The following CSRNP3 variants were observed in gnomAD, a reference collection of about 807,000 sequenced individuals.
CSRNP3 encodes the protein cysteine/serine-rich nuclear protein 3.
In CSRNP3, 12 loss-of-function variants were observed where a neutral mutation model predicts 48.0. The ratio of observed to expected loss-of-function variants is 0.25; its 90% CI spans 0.16 to 0.41. The LOEUF is 0.41. CSRNP3 is among the 10% of genes least tolerant of loss of function. CSRNP3 has a pLI of 1.00. For missense variants in CSRNP3, 580 were observed against 724.4 expected, an observed-to-expected ratio of 0.80 and a Z score of 2.29; for synonymous variants, 263 against 269.7, an observed-to-expected ratio of 0.98 and a Z score of 0.24.
At chr2:165,563,531 T>A (rs1185135244) in intron 3 of CSRNP3, among the ~76,000 whole-genome samples, 1 of 152,188 alleles carries the variant, frequency 6.6e-6, no homozygotes, top group East Asian at 1.9e-4. Flanking sequence ...GAATCATTCA[T>A]TGCTCAATTA....
rs1308217973 is a variant in CSRNP3 at position 165,682,324 on chromosome 2, T to TC, written c.*2573dup. ...ACTGCCCTGTGAGAAGAATTACCCT[T>TC]CCAATCATGACAGCTTCTATTCCAA... is the stretch of plus-strand genomic sequence containing the variant. On this transcript the variant is annotated 3_prime_UTR_variant, in exon 7 of 7. Coordinates refer to ENST00000651982, the MANE Select transcript of CSRNP3 (RefSeq NM_001172173.2). 6.6e-6 allele frequency: 1 copy of TC among 152,064 alleles called. No homozygotes were observed. Among genetic ancestry groups the TC allele is most frequent in the Non-Finnish European group, 1.5e-5 (1 of 68,000 alleles). The allele number at this position is 152,064 out of a possible 1,614,324, so 9.4% of individuals were successfully genotyped here. A position where few individuals can be genotyped will look rare whatever the true frequency, so the allele number is the denominator to read the frequency against.
intron 4 of CSRNP3, among the ~76,000 whole-genome samples, chr2:165,645,236 A>G (rs1210223331): frequency 6.6e-6 from 1 of 152,160 alleles, no homozygotes; most frequent in African/African-American, 2.4e-5. Context: ...TGGAAGGCTG[A>G]GGCATGAGAA....
chr2:165,609,682 T>C (rs1367637084), intron 4 of CSRNP3, among the ~76,000 whole-genome samples: 1 of 152,118 alleles, frequency 6.6e-6, no homozygotes, highest in Non-Finnish European at 1.5e-5. Flanking sequence ...GATATTGATA[T>C]TTTCAAGGAG....
intron 5 of CSRNP3, among the ~76,000 whole-genome samples, chr2:165,661,468 A>G (rs1179639901): frequency 6.6e-6 from 1 of 152,174 alleles, no homozygotes; most frequent in Non-Finnish European, 1.5e-5. Flanking sequence ...CATGGCTGAC[A>G]GAGCTGTCCC....
At chr2:165,619,592 A>AAC (rs943141143) in intron 4 of CSRNP3, among the ~76,000 whole-genome samples, 22 of 151,644 alleles carry the variant, frequency 1.5e-4, no homozygotes, top group African/African-American at 4.3e-4. Context: ...CACACATACA[A>AAC]ACACACACAC....
Position 165,587,648 on chromosome 2 carries a change from T to C in CSRNP3, c.-23-7395T>C, listed in dbSNP as rs545615929. On this transcript the variant is annotated intron_variant, in intron 3 of 6. Transcript: ENST00000651982. ...ATCCCAGAAGCTGCCCTAGTTCCTGTTTCCTGAGTTTTGGTTTCAAGCTGT... is the reference window on the plus strand; with the variant it reads ...ATCCCAGAAGCTGCCCTAGTTCCTGCTTCCTGAGTTTTGGTTTCAAGCTGT... 8.5e-5 allele frequency among the ~76,000 whole-genome samples: 13 copies of C among 152,328 alleles called. No homozygotes were observed. In the South Asian group the frequency reaches 1.0e-3, roughly 12 times the overall value.
At position 165,658,001 on chromosome 2, in the gene CSRNP3, T is replaced by G; in HGVS notation, c.389T>G (p.Leu130Arg). Residue 130 changes from leucine (L) to arginine (R), a missense_variant, in exon 5 of 7, where the codon CTG (leucine) becomes CGG (arginine). By Grantham distance (102) the Leu-to-Arg change is moderately radical. Transcript: ENST00000651982. ...MLREHLREEK[L>R]NSLKLKMTKN... ...AGAGAACACCTTAGGGAGGAAAAGC[T>G]GAACTCCTTAAAACTAAAGGTAAAA... The G allele has an allele frequency of 3.1e-6, 5 of 1,613,172 alleles. No individual in the cohort carries two copies. Among genetic ancestry groups the G allele is most frequent in the Non-Finnish European group, 3.4e-6 (4 of 1,179,702 alleles).
chr2:165,506,209 G>T (rs796606033), intron 2 of CSRNP3, among the ~76,000 whole-genome samples: 2 of 152,076 alleles, frequency 1.3e-5, no homozygotes, highest in African/African-American at 4.8e-5. Flanking sequence ...AGACAAGAAG[G>T]CATCTCTTCC....
chr2:165,664,900 A>T (rs1255424425), intron 5 of CSRNP3, among the ~76,000 whole-genome samples: 3 of 152,192 alleles, frequency 2.0e-5, no homozygotes, highest in Non-Finnish European at 4.4e-5. Flanking sequence ...CAAAACTCAG[A>T]TCTTTTAAGC....
rs377698342 is a variant in CSRNP3 at position 165,627,229 on chromosome 2, C to T, written c.149-30532C>T. Among the ~76,000 whole-genome samples, 11 of 152,288 alleles carry T rather than the reference C, an allele frequency of 7.2e-5. No individual in the cohort carries two copies. In the East Asian group the frequency reaches 7.7e-4, roughly 11 times the overall value. Reference sequence around the variant, plus strand: ...TCCCTCTGGCCTGAGAATACCTTTACCTCTGAAGCATGCCTACTCATTTCC... The same window carrying T: ...TCCCTCTGGCCTGAGAATACCTTTATCTCTGAAGCATGCCTACTCATTTCC... On this transcript the variant is annotated intron_variant, in intron 4 of 6. Transcript: ENST00000651982.
chr2:165,608,071 G>GTA (rs1375446036), intron 4 of CSRNP3, among the ~76,000 whole-genome samples: 7 of 149,422 alleles, frequency 4.7e-5, no homozygotes, highest in East Asian at 3.9e-4. Flanking sequence ...ATTTACCCAC[G>GTA]TATATATATA....
At chr2:165,618,561 T>C (rs2105316353) in intron 4 of CSRNP3, among the ~76,000 whole-genome samples, 1 of 152,314 alleles carries the variant, frequency 6.6e-6, no homozygotes, top group South Asian at 2.1e-4. Context: ...AACAGAAAGA[T>C]CATATGAACC....
chr2:165,673,349 G>A (rs1035905056), intron 5 of CSRNP3, among the ~76,000 whole-genome samples: 1 of 151,704 alleles, frequency 6.6e-6, no homozygotes, highest in African/African-American at 2.4e-5. Flanking sequence ...TGTTGCCCAG[G>A]CTGGTCTCGA....
intron 3 of CSRNP3, among the ~76,000 whole-genome samples, chr2:165,539,265 C>T (rs924142654): frequency 5.3e-5 from 8 of 151,878 alleles, no homozygotes; most frequent in East Asian, 1.9e-4. Context: ...CAATATGCCT[C>T]GTCTGATAGG....
At chr2:165,522,550 A>G (rs1486093669) in intron 3 of CSRNP3, among the ~76,000 whole-genome samples, 2 of 152,014 alleles carry the variant, frequency 1.3e-5, no homozygotes, top group Non-Finnish European at 2.9e-5. Context: ...AGTTTATTAC[A>G]TATGTAACCT....
chr2:165,573,450 T>C (rs985978533), intron 3 of CSRNP3, among the ~76,000 whole-genome samples: 2 of 152,220 alleles, frequency 1.3e-5, no homozygotes, highest in African/African-American at 2.4e-5. Flanking sequence ...ATGTTTCAAA[T>C]AGAGAGATTG....
chr2:165,591,348 T>C (rs1379711375), intron 3 of CSRNP3, among the ~76,000 whole-genome samples: 2 of 151,954 alleles, frequency 1.3e-5, no homozygotes, highest in African/African-American at 4.8e-5. Context: ...AGCATAAAGG[T>C]TGGAAAATTT....
At position 165,556,624 on chromosome 2, in the gene CSRNP3, G is replaced by T. The variant is rs192858150; in HGVS notation, c.-23-38419G>T. Among the ~76,000 whole-genome samples the T allele has an allele frequency of 6.8e-4, 103 of 152,030 alleles. 1 individual carries two copies. Among genetic ancestry groups the T allele is most frequent in the South Asian group, 3.3e-3 (16 of 4,802 alleles). On this transcript the variant is annotated intron_variant, in intron 3 of 6. Transcript: ENST00000651982. Reference sequence around the variant, plus strand: ...AAAACTAGGAGAATGTAATGTGAGTGACAAAAATAGAACATTTCCAAAGGT... The same window carrying T: ...AAAACTAGGAGAATGTAATGTGAGTTACAAAAATAGAACATTTCCAAAGGT...
At position 165,686,593 on chromosome 2, in the gene CSRNP3, G is replaced by GGTT. The variant is rs546855287; in HGVS notation, c.*6856_*6858dup. On this transcript the variant is annotated 3_prime_UTR_variant, in exon 7 of 7. Coordinates refer to ENST00000651982, the MANE Select transcript of CSRNP3 (RefSeq NM_001172173.2). ...ACCTAGGAACTTGTTGCCTGGTGGT[G>GGTT]GTTGTTGTTGTTGTTGTTTTTTAAT... 6 of 152,028 alleles carry GGTT rather than the reference G, an allele frequency of 3.9e-5. No individual in the cohort carries two copies. The highest frequency in any genetic ancestry group is 7.2e-5 in the African/African-American group (3 of 41,402). The allele number at this position is 152,028 out of a possible 1,614,324, so 9.4% of individuals were successfully genotyped here. A position where few individuals can be genotyped will look rare whatever the true frequency, so the allele number is the denominator to read the frequency against.
Sources: gnomAD v4.1 joint callset for allele counts (sites outside exome capture counted in the v4.1 genomes callset) on GRCh38, gnomAD v4.1.1 for gene constraint, MANE v1.5 for transcripts, NCBI Gene and HGNC (gene_info 2026-07-23, HGNC 2026-07-21) for gene names.